The following REPS2 variants were observed in gnomAD, a reference collection of about 807,000 sequenced individuals.
REPS2 encodes RALBP1 associated Eps domain containing 2.
In REPS2, 23 loss-of-function variants were observed where a neutral mutation model predicts 53.6. The ratio of observed to expected loss-of-function variants is 0.43; its 90% CI spans 0.31 to 0.61. The LOEUF (loss-of-function observed/expected upper bound fraction) is 0.61, where lower values mean the gene tolerates loss of function less well. Among genes scored for constraint, REPS2 ranks in the 20% least tolerant of loss-of-function variants. The pLI is 0.11. For missense variants in REPS2, 446 were observed against 534.9 expected (o/e 0.83, Z 1.64); for synonymous variants, 238 against 218.6 (o/e 1.09, Z -0.78).
chrX:17,149,240 A>T lies in REPS2; in HGVS notation c.*1759A>T. On this transcript the variant is annotated 3_prime_UTR_variant, in exon 18 of 18. Transcript: ENST00000357277. ...TTCCGAAGATTATGAATGGGTCAGCACAAATTTTTAGGCAACTGCTTTTTC... is the reference window on the plus strand; with the variant it reads ...TTCCGAAGATTATGAATGGGTCAGCTCAAATTTTTAGGCAACTGCTTTTTC... 5.4e-6 allele frequency: 1 copy of T among 186,223 alleles called. No homozygotes were observed. The highest frequency in any genetic ancestry group is 1.0e-5 in the Non-Finnish European group (1 of 99,674). The allele number at this position is 186,223 out of a possible 1,213,427, so 15.3% of individuals were successfully genotyped here.
intron 12 of REPS2, among the ~76,000 whole-genome samples, chrX:17,076,472 A>C (rs746992448): frequency 2.7e-5 from 3 of 111,856 alleles, no homozygotes; most frequent in Non-Finnish European, 5.6e-5. Context: ...GTCTCCAATA[A>C]ATATTCTAGT....
chrX:16,997,084 A>G (rs1299893839), intron 1 of REPS2, among the ~76,000 whole-genome samples: 1 of 112,395 alleles, frequency 8.9e-6, no homozygotes, highest in Non-Finnish European at 1.9e-5. Context: ...AAAGCTTTAT[A>G]TAATTTGGCA....
chrX:17,029,394 T>C, intron 4 of REPS2, 132 bp from the exon 5 acceptor site: 1 of 464,610 alleles, frequency 2.2e-6, no homozygotes, highest in South Asian at 3.3e-5. Flanking sequence ...TTGTCAGTCC[T>C]AGATGGCCCT....
At chrX:16,979,662 T>C (rs2060997583) in intron 1 of REPS2, among the ~76,000 whole-genome samples, 2 of 112,394 alleles carry the variant, frequency 1.8e-5, no homozygotes, top group South Asian at 7.4e-4. Flanking sequence ...AGCTTTCTTA[T>C]GTACTCGGTA....
chrX:17,054,282 A>G (rs1209318568), intron 7 of REPS2, among the ~76,000 whole-genome samples: 1 of 112,876 alleles, frequency 8.9e-6, no homozygotes, highest in African/African-American at 3.2e-5. Context: ...TTCTCAAGCA[A>G]AGAACAGTTT....
At position 17,148,223 on chromosome X, in the gene REPS2, AT is replaced by A; in HGVS notation, c.*747del. 1 of 112,396 alleles carries A rather than the reference AT, an allele frequency of 8.9e-6. No homozygotes were observed. The allele number at this position is 112,396 out of a possible 1,213,427, so 9.3% of individuals were successfully genotyped here. A position where few individuals can be genotyped will look rare whatever the true frequency, so the allele number is the denominator to read the frequency against. On this transcript the variant is annotated 3_prime_UTR_variant, in exon 18 of 18. Coordinates refer to ENST00000357277, the MANE Select transcript of REPS2 (RefSeq NM_004726.3). ...CAGACAACTCAGTCCTTTCATGTAA[AT>A]TTTTGGGCAAGAGAAGTCTGCTTTG...
chrX:16,956,527 T>G (rs1421845628), intron 1 of REPS2, among the ~76,000 whole-genome samples: 1 of 111,437 alleles, frequency 9.0e-6, no homozygotes, highest in Non-Finnish European at 1.9e-5. Context: ...CAGGGTTCAC[T>G]GCTTTCGGTC....
intron 13 of REPS2, among the ~76,000 whole-genome samples, chrX:17,089,262 A>G (rs188898724): frequency 6.4e-4 from 71 of 111,518 alleles, no homozygotes; most frequent in African/African-American, 2.1e-3. Flanking sequence ...GCAAGAATAT[A>G]AGACAAATAG....
intron 1 of REPS2, among the ~76,000 whole-genome samples, chrX:16,977,787 G>A (rs1357595450): frequency 1.8e-5 from 2 of 109,799 alleles, no homozygotes; most frequent in Non-Finnish European, 3.8e-5. Flanking sequence ...CTGCCTAAGA[G>A]CCCACCCCAG....
intron 1 of REPS2, among the ~76,000 whole-genome samples, chrX:17,002,727 G>A (rs1413528120): frequency 8.9e-6 from 1 of 111,981 alleles, no homozygotes; most frequent in African/African-American, 3.2e-5. Flanking sequence ...TGAGTAGGAG[G>A]TGCATCTCTG....
chrX:17,026,303 A>G (rs2061644484), intron 4 of REPS2, among the ~76,000 whole-genome samples: 1 of 111,748 alleles, frequency 8.9e-6, no homozygotes, highest in Non-Finnish European at 1.9e-5. Context: ...TCCTATGCAC[A>G]TGCAAGATGA....
chrX:17,191,980 C>G, the REPS2 span, among the ~76,000 whole-genome samples: 1 of 112,384 alleles, frequency 8.9e-6, no homozygotes, highest in African/African-American at 3.2e-5. Flanking sequence ...ATCATTTGCT[C>G]AAGCTGATAG....
intron 13 of REPS2, among the ~76,000 whole-genome samples, chrX:17,096,659 CAAAA>C (rs1181603042): frequency 0.039 from 668 of 17,212 alleles, 2 homozygotes; most frequent in African/African-American, 0.12. Context: ...GACTCCGTCT[CAAAA>C]AAAAAAAAAA....
intron 5 of REPS2, among the ~76,000 whole-genome samples, chrX:17,046,727 G>GT (rs2061913581): frequency 8.9e-6 from 1 of 111,791 alleles, no homozygotes; most frequent in African/African-American, 3.3e-5. Context: ...TGCACCCCTT[G>GT]TTACCCTGTT....
chrX:17,071,857 C>T (rs928927208), intron 11 of REPS2, among the ~76,000 whole-genome samples: 6 of 112,000 alleles, frequency 5.4e-5, no homozygotes, highest in African/African-American at 1.9e-4. Flanking sequence ...TCCAGCTACA[C>T]GAGAAGCTAT....
chrX:17,047,697 T>C (rs1473056325), intron 6 of REPS2, among the ~76,000 whole-genome samples: 1 of 112,807 alleles, frequency 8.9e-6, no homozygotes, highest in African/African-American at 3.2e-5. Context: ...AAGTGGGAAT[T>C]TGGGGGCAAC....
intron 8 of REPS2, among the ~76,000 whole-genome samples, chrX:17,059,389 G>A (rs1373001011): frequency 9.3e-6 from 1 of 107,343 alleles, no homozygotes; most frequent in East Asian, 2.9e-4. Flanking sequence ...ATCTAATCCA[G>A]TTTTTGATAA....
At chrX:16,993,402 T>G (rs181755324) in intron 1 of REPS2, among the ~76,000 whole-genome samples, 1 of 111,893 alleles carries the variant, frequency 8.9e-6, no homozygotes, top group Non-Finnish European at 1.9e-5. Context: ...GTCCTGTTGA[T>G]TTGGTCTGAC....
intron 1 of REPS2, among the ~76,000 whole-genome samples, chrX:16,952,103 T>C (rs1354729280): frequency 3.6e-5 from 4 of 111,969 alleles, no homozygotes; most frequent in African/African-American, 1.3e-4. Context: ...ATACTTTAGT[T>C]CTGGGATACA....
Sources: gnomAD v4.1 joint callset for allele counts (sites outside exome capture counted in the v4.1 genomes callset) on GRCh38, gnomAD v4.1.1 for gene constraint, MANE v1.5 for transcripts, NCBI Gene and HGNC (gene_info 2026-07-23, HGNC 2026-07-21) for gene names.